The following EPRS1 variants were observed in gnomAD, a reference collection of about 807,000 sequenced individuals.
EPRS1 encodes bifunctional glutamate/proline--tRNA ligase.
A neutral mutation model predicts 188.3 loss-of-function variants in EPRS1; 107 were observed. The observed-to-expected ratio is 0.57, with a 90% confidence interval of 0.49 to 0.67. The LOEUF is 0.67. EPRS1 is among the 30% of genes least tolerant of loss of function. The pLI is 0.00. For synonymous variants in EPRS1, 596 were observed against 593.1 expected (o/e 1.00, Z -0.07); for missense variants, 1,577 against 1,802.2 (o/e 0.88, Z 2.26).
chr1:220,036,783 T>A (rs1011360731), intron 2 of EPRS1, among the ~76,000 whole-genome samples: 3 of 152,098 alleles, frequency 2.0e-5, no homozygotes, highest in Non-Finnish European at 4.4e-5. Context: ...ATGACACAAG[T>A]TTATCTACAT....
chr1:220,038,218 G>A (rs140698419), intron 2 of EPRS1, among the ~76,000 whole-genome samples: 11 of 151,842 alleles, frequency 7.2e-5, no homozygotes, highest in African/African-American at 2.2e-4. Flanking sequence ...GAGTAGCTGG[G>A]ATTACAGGCA....
chr1:220,033,775 T>C, intron 3 of EPRS1, 117 bp from the exon 4 acceptor site: 1 of 663,014 alleles, frequency 1.5e-6, no homozygotes, highest in South Asian at 2.0e-5. Flanking sequence ...ATGCTTTTCC[T>C]TTCTCAAATT....
In EPRS1 at chr1:219,980,164, G is replaced by A. The variant is rs756764132; in HGVS notation, c.3632C>T (p.Thr1211Met). The A allele has an allele frequency of 1.9e-5, 30 of 1,613,114 alleles. No homozygotes were observed. Among genetic ancestry groups the A allele is most frequent in the African/African-American group, 2.7e-5 (2 of 74,844 alleles). The change falls in exon 26 of 32, where the codon ACG (threonine) becomes ATG (methionine). Residue 1211 changes from threonine (T) to methionine (M), a missense_variant. Thr to Met is a moderately conservative substitution (Grantham distance 81). This residue lies in a region of EPRS1 where 1,278 missense variants were observed against 1,457.4 expected (regional missense o/e 0.88). Coordinates refer to ENST00000366923, the MANE Select transcript of EPRS1 (RefSeq NM_004446.3). ...LAIPVVKGRK[T>M]EKEKFAGGDY... ...TCCTCCTGCAAATTTTTCCTTTTCC[G>A]TCTTTCTTCCTTTAACAACAGGAAT...
chr1:219,979,743 AG>A (rs1222637597), intron 26 of EPRS1, 128 bp from the exon 27 acceptor site: 6 of 657,756 alleles, frequency 9.1e-6, no homozygotes, highest in Non-Finnish European at 1.5e-5. Context: ...ACATTAAATA[AG>A]GTTTTTAATT....
chr1:220,028,238 C>T (rs760576415), intron 6 of EPRS1, among the ~76,000 whole-genome samples: 1 of 152,094 alleles, frequency 6.6e-6, no homozygotes, highest in Non-Finnish European at 1.5e-5. Context: ...AAAAGATTAA[C>T]AATTAGTACC....
At chr1:220,040,400 G>C in intron 1 of EPRS1, 131 bp from the exon 2 acceptor site, 1 of 576,396 alleles carries the variant, frequency 1.7e-6, no homozygotes, top group Non-Finnish European at 3.1e-6. Flanking sequence ...TTTCTCAGTA[G>C]TCTGTAGACA....
At chr1:219,996,859 C>T in intron 18 of EPRS1, 124 bp downstream of exon 18, 1 of 1,048,418 alleles carries the variant, frequency 9.5e-7, no homozygotes, top group Non-Finnish European at 1.4e-6. Context: ...TAGCAGGTAT[C>T]AATCAATGTT....
intron 18 of EPRS1, among the ~76,000 whole-genome samples, chr1:219,992,835 G>C (rs1165731890): frequency 6.6e-6 from 1 of 152,188 alleles, no homozygotes; most frequent in East Asian, 1.9e-4. Flanking sequence ...GCTGAGGCAG[G>C]AGAATTGCTT....
At chr1:220,007,444 G>T in intron 13 of EPRS1, 106 bp from the exon 14 acceptor site, 3 of 1,085,130 alleles carry the variant, frequency 2.8e-6, no homozygotes, top group Non-Finnish European at 4.0e-6. Flanking sequence ...AAAGTCTTCT[G>T]TGTTACTAAA....
chr1:220,007,542 G>A (rs112823725), intron 13 of EPRS1, among the ~76,000 whole-genome samples: 50 of 152,124 alleles, frequency 3.3e-4, no homozygotes, highest in African/African-American at 1.1e-3. Flanking sequence ...TCCCAATTCT[G>A]TTCTTAGCAT....
Position 219,983,302 on chromosome 1 carries a change from A to G in EPRS1, c.3187T>C (p.Phe1063Leu), listed in dbSNP as rs1373825786. The G allele has an allele frequency of 6.2e-7, 1 of 1,613,944 alleles. No homozygotes were observed. The stretch of plus-strand genomic sequence containing the variant: ...AGTTTCTTGATCTCAGCATCAAAAA[A>G]GTCCTTGATGGCTTCCCAAATGGCA... ...AYAIWEAIKD[F>L]FDAEIKKLGV... Residue 1063 changes from phenylalanine to leucine, a missense_variant, in exon 22 of 32, where the codon TTT becomes CTT. By Grantham distance (22) the Phe-to-Leu change is conservative. Coordinates refer to ENST00000366923, the MANE Select transcript of EPRS1 (RefSeq NM_004446.3).
intron 18 of EPRS1, among the ~76,000 whole-genome samples, chr1:219,991,641 G>C (rs1661124538): frequency 6.6e-6 from 1 of 152,142 alleles, no homozygotes; most frequent in Admixed American, 6.5e-5. Flanking sequence ...GTTGTGCATA[G>C]CTTAAATACC....
At chr1:220,026,183 C>T (rs932231523) in intron 6 of EPRS1, among the ~76,000 whole-genome samples, 2 of 152,092 alleles carry the variant, frequency 1.3e-5, no homozygotes, top group Non-Finnish European at 2.9e-5. Flanking sequence ...ACTCATGTCA[C>T]GGAGATTAAA....
intron 12 of EPRS1, among the ~76,000 whole-genome samples, chr1:220,015,444 C>A (rs1253309198): frequency 1.3e-5 from 2 of 151,614 alleles, no homozygotes; most frequent in East Asian, 3.9e-4. Flanking sequence ...GCCTGGGCGA[C>A]AGAGTGAGAC....
rs184596595 is a variant in EPRS1, at chr1:220,016,910, T to C, written c.1494+1539A>G. 2.5e-3 allele frequency among the ~76,000 whole-genome samples: 373 copies of C among 152,152 alleles called. 2 individuals are homozygous for C. Among genetic ancestry groups the C allele is most frequent in the African/African-American group, 8.3e-3 (343 of 41,520 alleles). ...GCTAAAAAAGTAGTAACACATATAT[T>C]TCATTCAGCAATATAAGCAACAGGC... On this transcript the variant is annotated intron_variant, in intron 12 of 31. Coordinates refer to ENST00000366923, the MANE Select transcript of EPRS1 (RefSeq NM_004446.3).
intron 12 of EPRS1, chr1:220,018,149 T>A: frequency 7.3e-7 from 1 of 1,365,622 alleles, no homozygotes; most frequent in African/African-American, 1.5e-5. Context: ...GCTCGCAGCT[T>A]GAAAGCAGAA....
chr1:220,021,513 C>G (rs1230576301), intron 9 of EPRS1, among the ~76,000 whole-genome samples: 1 of 152,122 alleles, frequency 6.6e-6, no homozygotes, highest in Non-Finnish European at 1.5e-5. Flanking sequence ...TACATTCTAA[C>G]TTTTAAGATA....
chr1:219,985,943 C>T (rs897899924), intron 20 of EPRS1, among the ~76,000 whole-genome samples: 3 of 152,190 alleles, frequency 2.0e-5, no homozygotes. Flanking sequence ...AACAAAATAA[C>T]TCTGTGAAAC....
chr1:220,024,222 A>G (rs745634778), intron 8 of EPRS1, 42 bp downstream of exon 8: 1 of 1,301,948 alleles, frequency 7.7e-7, no homozygotes, highest in East Asian at 2.4e-5. Flanking sequence ...AAAGAAGCAC[A>G]ATATAAGAAT....
Sources: allele counts gnomAD v4.1 joint callset (sites outside exome capture counted in the v4.1 genomes callset), GRCh38; gene constraint gnomAD v4.1.1; regional missense constraint gnomAD v4.1.1; transcripts MANE v1.5; gene names NCBI Gene and HGNC (gene_info 2026-07-23, HGNC 2026-07-21).